CENPP: variants seen among roughly 807,000 people sequenced by gnomAD.
CENPP encodes the protein centromere protein P.
CENPP carries 24 observed loss-of-function variants against 35.6 expected under a neutral mutation model. The observed-to-expected ratio is 0.67, with a 90% CI of 0.49 to 0.95. CENPP has a LOEUF of 0.95. Ranked by LOEUF, CENPP falls within the 40% of genes least tolerant of loss-of-function variation. CENPP has a pLI of 0.00. For synonymous variants in CENPP, 120 were observed against 125.5 expected, an observed-to-expected ratio of 0.96 and a Z score of 0.29; for missense variants, 332 against 345.3, an observed-to-expected ratio of 0.96 and a Z score of 0.31.
At chr9:92,508,298 G>A (rs1847128268) in intron 5 of CENPP, among the ~76,000 whole-genome samples, 1 of 152,236 alleles carries the variant, frequency 6.6e-6, no homozygotes, top group South Asian at 2.1e-4. Flanking sequence ...GCATGGGGCC[G>A]AGGCTCCTCG....
intron 5 of CENPP, among the ~76,000 whole-genome samples, chr9:92,394,226 A>G (rs1842799535): frequency 6.6e-6 from 1 of 151,540 alleles, no homozygotes; most frequent in African/African-American, 2.4e-5. Flanking sequence ...ATATATTTTG[A>G]TATATTTTAT....
At chr9:92,392,151 G>C (rs1180887710) in intron 5 of CENPP, among the ~76,000 whole-genome samples, 19 of 151,984 alleles carry the variant, frequency 1.3e-4, no homozygotes, top group Admixed American at 1.2e-3. Context: ...CTGAGTTAAG[G>C]TTTGCTAGAA....
chr9:92,333,845 A>G (rs1840835034), intron 2 of CENPP, among the ~76,000 whole-genome samples: 1 of 152,124 alleles, frequency 6.6e-6, no homozygotes, highest in Non-Finnish European at 1.5e-5. Flanking sequence ...AGTTGGGCAG[A>G]CACAGTTTCT....
chr9:92,385,481 C>G, intron 5 of CENPP: 1 of 705,604 alleles, frequency 1.4e-6, no homozygotes, highest in Non-Finnish European at 2.3e-6. Flanking sequence ...AGATTTTGAA[C>G]ATCCTTGCTT....
At chr9:92,325,885 G>A (rs1406838546), upstream of CENPP, 11 of 803,068 alleles carry the variant, frequency 1.4e-5, no homozygotes, top group Non-Finnish European at 1.8e-5. Flanking sequence ...TCCCCTCCGC[G>A]TGAGCTCTGG....
rs764235963 is a variant in CENPP at position 92,390,039 on chromosome 9, C to T, written c.564+10180C>T. On this transcript the variant is annotated intron_variant, in intron 5 of 7. Transcript: ENST00000375587. Reference sequence around the variant, plus strand: ...TCTTCTATCAAATTTCCTGTAAAATCGAGTCTTCTTAAGTTAGCTAGAGGG... The same window carrying T: ...TCTTCTATCAAATTTCCTGTAAAATTGAGTCTTCTTAAGTTAGCTAGAGGG... The T allele has an allele frequency of 1.4e-5, 23 of 1,597,674 alleles. No individual in the cohort carries two copies. In the South Asian group the frequency reaches 1.8e-4, roughly 12 times the overall value.
chr9:92,416,006 A>G (rs967424382), intron 5 of CENPP, among the ~76,000 whole-genome samples: 9 of 145,492 alleles, frequency 6.2e-5, no homozygotes, highest in Non-Finnish European at 9.1e-5. Context: ...AGTTATATAT[A>G]TAAAAGAGAA....
chr9:92,458,981 GA>G (rs1844989610), intron 5 of CENPP, among the ~76,000 whole-genome samples: 1 of 152,282 alleles, frequency 6.6e-6, no homozygotes, highest in Non-Finnish European at 1.5e-5. Context: ...CTTGGAAGAT[GA>G]AAACTTTTGT....
intron 5 of CENPP, among the ~76,000 whole-genome samples, chr9:92,427,840 A>T (rs1470117658): frequency 6.6e-6 from 1 of 152,204 alleles, no homozygotes; most frequent in African/African-American, 2.4e-5. Context: ...AGATATTTAG[A>T]ACTAAATATG....
chr9:92,414,470 T>C (rs1482023546), intron 5 of CENPP: 1 of 209,740 alleles, frequency 4.8e-6, no homozygotes, highest in East Asian at 7.2e-5. Flanking sequence ...TGTTTTTTAG[T>C]TGTCCAAATA....
At chr9:92,551,957 TATATATGTGTG>T (rs1434687291) in intron 5 of CENPP, among the ~76,000 whole-genome samples, 4 of 116,738 alleles carry the variant, frequency 3.4e-5, no homozygotes, top group African/African-American at 1.4e-4. Context: ...ATATATGATA[TATATATGTGTG>T]ATATATATGT....
intron 5 of CENPP, among the ~76,000 whole-genome samples, chr9:92,575,794 A>G (rs911981400): frequency 1.3e-5 from 2 of 152,026 alleles, no homozygotes; most frequent in Admixed American, 1.3e-4. Context: ...CCTGGGTGAC[A>G]GAGTGAGACT....
At chr9:92,505,137 T>C (rs928498859) in intron 5 of CENPP, among the ~76,000 whole-genome samples, 2 of 152,216 alleles carry the variant, frequency 1.3e-5, no homozygotes, top group African/African-American at 4.8e-5. Context: ...TGCCTGGAAT[T>C]TGTGAGTGGA....
intron 5 of CENPP, among the ~76,000 whole-genome samples, chr9:92,595,557 GTTTTTGTTTTGT>G (rs1850759827): frequency 6.6e-6 from 1 of 151,028 alleles, no homozygotes; most frequent in South Asian, 2.1e-4. Flanking sequence ...TTTGTTTTTT[GTTTTTGTTTTGT>G]TTTTTGTTTT....
intron 5 of CENPP, among the ~76,000 whole-genome samples, chr9:92,543,962 T>A (rs1849372472): frequency 6.6e-6 from 1 of 152,228 alleles, no homozygotes; most frequent in Non-Finnish European, 1.5e-5. Flanking sequence ...TTTCTCTATA[T>A]AAGATGTCAT....
intron 5 of CENPP, among the ~76,000 whole-genome samples, chr9:92,570,354 A>G (rs938102568): frequency 7.2e-5 from 11 of 152,200 alleles, no homozygotes; most frequent in East Asian, 5.8e-4. Context: ...TTTTGTCTTT[A>G]GTTCTGTTTA....
intron 5 of CENPP, among the ~76,000 whole-genome samples, chr9:92,491,307 G>A (rs1043566730): frequency 6.6e-6 from 1 of 152,116 alleles, no homozygotes; most frequent in Non-Finnish European, 1.5e-5. Flanking sequence ...ACTGAATAGC[G>A]GGGGTTTTGT....
intron 5 of CENPP, among the ~76,000 whole-genome samples, chr9:92,420,565 C>G (rs565393355): frequency 6.6e-6 from 1 of 152,218 alleles, no homozygotes; most frequent in South Asian, 2.1e-4. Flanking sequence ...CTCTCTTCTA[C>G]GCTACTGTTT....
At chr9:92,610,946 G>A (rs1369734936) in intron 5 of CENPP, 3 of 265,754 alleles carry the variant, frequency 1.1e-5, no homozygotes, top group Non-Finnish European at 2.1e-5. Context: ...GCATCCGCTT[G>A]GGGAATCCTC....
Sources: gnomAD v4.1 joint callset for allele counts (sites outside exome capture counted in the v4.1 genomes callset) on GRCh38, gnomAD v4.1.1 for gene constraint, MANE v1.5 for transcripts, NCBI Gene and HGNC (gene_info 2026-07-23, HGNC 2026-07-21) for gene names.